PROKR2: variants seen among roughly 807,000 people sequenced by gnomAD.
PROKR2 encodes prokineticin receptor 2, also known as G protein-coupled receptor 73-like 1.
Under a neutral mutation model 23.4 loss-of-function variants are expected in PROKR2, and 26 were observed. That is an observed-to-expected ratio of 1.11 (90% CI 0.81 to 1.54). The LOEUF is 1.54. Ranked by LOEUF, PROKR2 falls within the 40% of genes most tolerant of loss-of-function variation. PROKR2 has a pLI of 0.00. For missense variants in PROKR2, 453 were observed against 511.5 expected (o/e 0.89, Z 1.10); for synonymous variants, 212 against 201.2 (o/e 1.05, Z -0.45).
chr20:5,314,546 G>A (rs1434282832), intron 1 of PROKR2, among the ~76,000 whole-genome samples, 169 bp from the exon 2 acceptor site: 1 of 152,140 alleles, frequency 6.6e-6, no homozygotes, highest in African/African-American at 2.4e-5. Context: ...GAGAACATCT[G>A]GTCACATTCC....
Position 5,314,390 on chromosome 20 carries a change from T to A in PROKR2, c.-8-13A>T. 2 of 1,609,478 alleles carry A rather than the reference T, an allele frequency of 1.2e-6. No individual in the cohort carries two copies. Among genetic ancestry groups the A allele is most frequent in the South Asian group, 2.2e-5 (2 of 90,962 alleles). On this transcript the variant is annotated splice_polypyrimidine_tract_variant and intron_variant, in intron 1 of 2. Transcript: ENST00000678254. Reference sequence around the variant, plus strand: ...GCCATGGTGATGTCTGCAAGAAAAGTGGTGTGAGGGAGGTGCGAGGGGTGA... The same window carrying A: ...GCCATGGTGATGTCTGCAAGAAAAGAGGTGTGAGGGAGGTGCGAGGGGTGA...
Position 5,301,898 on chromosome 20 carries a change from G to A in PROKR2, c.*142C>T, listed in dbSNP as rs566701078. 5 of 691,064 alleles carry A rather than the reference G, an allele frequency of 7.2e-6. No homozygotes were observed. The highest frequency in any genetic ancestry group is 2.7e-5 in the East Asian group (1 of 36,708). The allele number at this position is 691,064 out of a possible 1,614,324, so 42.8% of individuals were successfully genotyped here. ...CATGTCTAGTCTCATTGTATGTTAC[G>A]ACTTTGCAGCATTCAGCTTCTTGAG... On this transcript the variant is annotated 3_prime_UTR_variant, in exon 3 of 3. Coordinates refer to ENST00000678254, the MANE Select transcript of PROKR2 (RefSeq NM_144773.4).
Position 5,302,172 on chromosome 20 carries a change from C to T in PROKR2, c.1023G>A (p.Met341Ile). 6.2e-7 allele frequency: 1 copy of T among 1,614,246 alleles called. No homozygotes were observed. The highest frequency in any genetic ancestry group is 8.5e-7 in the Non-Finnish European group (1 of 1,180,050). ...GCAGCATCATCTTCTTGAAGTACTT[C>T]ATGGTGTTGTTCTTGACCGTCACGA... ...VCFVTVKNNTMKYFKKMMLLH... is the reference protein window; with the variant it reads ...VCFVTVKNNTIKYFKKMMLLH... Residue 341 changes from methionine (M) to isoleucine (I), a missense_variant, in exon 3 of 3, where the codon ATG becomes ATA. Physicochemically the swap from Met to Ile is conservative, Grantham distance 10. Coordinates refer to ENST00000678254, the MANE Select transcript of PROKR2 (RefSeq NM_144773.4).
Position 5,316,499 on chromosome 20 carries a change from T to C in PROKR2, c.-14A>G, listed in dbSNP as rs910716684. On this transcript the variant is annotated 5_prime_UTR_variant, in exon 1 of 3. Coordinates refer to ENST00000678254, the MANE Select transcript of PROKR2 (RefSeq NM_144773.4). This position sits in a 1 kb window ranked among gnomAD's most constrained non-coding sequence, Gnocchi z 5.0. ...GCAGGGATCTAAGCCCTTACCTGTC[T>C]CGGCGCCTCCTTTCTGTGCGCTCTG... is the stretch of plus-strand genomic sequence containing the variant. 1 of 378,792 alleles carries C rather than the reference T, an allele frequency of 2.6e-6. No individual in the cohort carries two copies. 23.5% of individuals were successfully genotyped at this position (378,792 alleles called of 1,614,324 possible).
rs182198458 is a variant in PROKR2 at position 5,301,244 on chromosome 20, T to G, written c.*796A>C. On this transcript the variant is annotated 3_prime_UTR_variant, in exon 3 of 3. Transcript: ENST00000678254. ...TGTTTTGTTGTTTGTTTGTTTGTTTTTTTCCTGAGACAGAGTCTCACTCTG... is the reference window on the plus strand; with the variant it reads ...TGTTTTGTTGTTTGTTTGTTTGTTTGTTTCCTGAGACAGAGTCTCACTCTG... Among the ~76,000 whole-genome samples the G allele has an allele frequency of 2.6e-5, 4 of 152,196 alleles. No homozygotes were observed. Among genetic ancestry groups the G allele is most frequent in the South Asian group, 2.1e-4 (1 of 4,826 alleles).
At chr20:5,315,765 TCTTC>T (rs1019724195) in intron 1 of PROKR2, 2 of 441,426 alleles carry the variant, frequency 4.5e-6, no homozygotes, top group African/African-American at 4.1e-5. Context: ...CCCGGAGGTG[TCTTC>T]TCTCCAGGTC....
In PROKR2 at chr20:5,301,420, C is replaced by G. The variant is rs886067276; in HGVS notation, c.*620G>C. ...GCTAATTTTGTATTTTTAGTAGAGA[C>G]AGGGTTTCACCATGTTGGCCAGCCT... On this transcript the variant is annotated 3_prime_UTR_variant, in exon 3 of 3. Coordinates refer to ENST00000678254, the MANE Select transcript of PROKR2 (RefSeq NM_144773.4). 2.0e-5 allele frequency among the ~76,000 whole-genome samples: 3 copies of G among 152,264 alleles called. No homozygotes were observed. The highest frequency in any genetic ancestry group is 2.9e-5 in the Non-Finnish European group (2 of 68,008).
At chr20:5,303,429 A>C (rs1979089130) in intron 2 of PROKR2, among the ~76,000 whole-genome samples, 1 of 152,196 alleles carries the variant, frequency 6.6e-6, no homozygotes, top group Non-Finnish European at 1.5e-5. Flanking sequence ...GCCCAAGCTC[A>C]CATCATGCAG....
Position 5,302,534 on chromosome 20 carries a change from T to G in PROKR2, c.661A>C (p.Lys221Gln). The change falls in exon 3 of 3, where the codon AAG becomes CAG. Residue 221 changes from lysine to glutamine, a missense_variant. Transcript: ENST00000678254. ...CCAAAGATGAAGAGGAAGTAGGACT[T>G]GTAGTAGAGCTGCTGATCCACAGGC... is the stretch of plus-strand genomic sequence containing the variant. ...IWPVDQQLYY[K>Q]SYFLFIFGVE... 6.2e-7 allele frequency: 1 copy of G among 1,614,180 alleles called. No homozygotes were observed. The highest frequency in any genetic ancestry group is 8.5e-7 in the Non-Finnish European group (1 of 1,180,022).
At chr20:5,315,954 G>C in intron 1 of PROKR2, 1 of 456,452 alleles carries the variant, frequency 2.2e-6, no homozygotes, top group South Asian at 1.5e-5. Context: ...TCCCCGCCCG[G>C]GAGCGACCCG....
chr20:5,302,236 C>A lies in PROKR2; in HGVS notation c.959G>T (p.Cys320Phe). The A allele has an allele frequency of 6.2e-7, 1 of 1,614,238 alleles. No individual in the cohort carries two copies. The highest frequency in any genetic ancestry group is 2.2e-5 in the East Asian group (1 of 44,880). ...GATCATGCTGTTGCTCATGGCGATG[C>A]ACTCGACCACGTAGAAGGCAGTGAG... ...HYLTAFYVVE[C>F]IAMSNSMINT... The change falls in exon 3 of 3, where the codon TGC (cysteine) becomes TTC (phenylalanine). Residue 320 changes from cysteine to phenylalanine, a missense_variant. By Grantham distance (205) the Cys-to-Phe change is radical. Coordinates refer to ENST00000678254, the MANE Select transcript of PROKR2 (RefSeq NM_144773.4).
At chr20:5,308,030 A>C (rs1259607277) in intron 2 of PROKR2, among the ~76,000 whole-genome samples, 4 of 136,250 alleles carry the variant, frequency 2.9e-5, no homozygotes, top group African/African-American at 1.2e-4. Context: ...AAACACTTGG[A>C]AGCTCTGTGA....
In PROKR2 at chr20:5,304,484, G is replaced by C. The variant is rs76106433; in HGVS notation, c.459-1748C>G. On this transcript the variant is annotated intron_variant, in intron 2 of 2. Coordinates refer to ENST00000678254, the MANE Select transcript of PROKR2 (RefSeq NM_144773.4). ...GCTCAGTTCTTACAATTTAAAACTT[G>C]GTGGGCAGATGAAGCTTCCATTCAG... 3.9e-5 allele frequency among the ~76,000 whole-genome samples: 6 copies of C among 152,270 alleles called. No individual in the cohort carries two copies. The East Asian group carries it at 7.7e-4, about 20-fold the overall frequency.
intron 2 of PROKR2, among the ~76,000 whole-genome samples, chr20:5,311,421 C>T (rs1979439131): frequency 6.6e-6 from 1 of 152,128 alleles, no homozygotes; most frequent in South Asian, 2.1e-4. Flanking sequence ...ACTCTGTTGT[C>T]TGTGGTGTTG....
At chr20:5,310,074 TA>T in intron 2 of PROKR2, among the ~76,000 whole-genome samples, 1 of 152,212 alleles carries the variant, frequency 6.6e-6, no homozygotes, top group Non-Finnish European at 1.5e-5. Context: ...TGGGGATAAT[TA>T]ATAAGATCAC....
rs776908572 is a variant in PROKR2 at position 5,314,144 on chromosome 20, C to A, written c.226G>T (p.Ala76Ser). 1 of 1,614,088 alleles carries A rather than the reference C, an allele frequency of 6.2e-7. No individual in the cohort carries two copies. The highest frequency in any genetic ancestry group is 8.5e-7 in the Non-Finnish European group (1 of 1,180,004). ...VCGIGNFVFI[A>S]ALTRYKKLRN... ...AACTTCTTATAGCGGGTGAGGGCAG[C>A]GATAAAGACAAAGTTACCGATGCCG... The change falls in exon 2 of 3, where the codon GCT (alanine) becomes TCT (serine). Residue 76 changes from alanine (A) to serine (S), a missense_variant. Physicochemically the swap from Ala to Ser is moderately conservative, Grantham distance 99. Transcript: ENST00000678254.
rs1568568836 is a variant in PROKR2, at chr20:5,301,470, T to TCCACG, written c.*569_*570insCGTGG. On this transcript the variant is annotated 3_prime_UTR_variant, in exon 3 of 3. Transcript: ENST00000678254. ...TGGGTTGAACTCCTGACCTCAAGTG[T>TCCACG]TCCACGTGCCTCAGCCTCCCCAAGT... is the stretch of plus-strand genomic sequence containing the variant. 2.0e-5 allele frequency among the ~76,000 whole-genome samples: 3 copies of TCCACG among 151,986 alleles called. No homozygotes were observed. The highest frequency in any genetic ancestry group is 4.4e-5 in the Non-Finnish European group (3 of 67,970).
chr20:5,311,346 A>G (rs1979436527), intron 2 of PROKR2, among the ~76,000 whole-genome samples: 1 of 152,156 alleles, frequency 6.6e-6, no homozygotes, highest in African/African-American at 2.4e-5. Context: ...TGAGAGAATG[A>G]TGGAACTGCT....
intron 2 of PROKR2, among the ~76,000 whole-genome samples, chr20:5,306,482 A>T (rs1487915752): frequency 6.6e-6 from 1 of 152,234 alleles, no homozygotes; most frequent in African/African-American, 2.4e-5. Context: ...TGCATTTACA[A>T]TTCCTGCAGT....
Sources: allele counts gnomAD v4.1 joint callset (sites outside exome capture counted in the v4.1 genomes callset), GRCh38; gene constraint gnomAD v4.1.1; non-coding constraint Gnocchi (gnomAD v3.1); transcripts MANE v1.5; gene names NCBI Gene and HGNC (gene_info 2026-07-23, HGNC 2026-07-21).